Variants in WDSUB1 observed in about 807,000 individuals in gnomAD.
The protein encoded by WDSUB1 is WD repeat, SAM and U-box domain-containing protein 1.
WDSUB1 carries 49 observed loss-of-function variants against 53.9 expected under a neutral mutation model. That is an observed-to-expected ratio of 0.91 (90% CI 0.72 to 1.15). WDSUB1 has a LOEUF of 1.15. Ranked by LOEUF, WDSUB1 falls within the 50% of genes most tolerant of loss-of-function variation. WDSUB1 has a pLI of 0.00. For missense variants in WDSUB1, 514 were observed against 562.0 expected (o/e 0.91, Z 0.86); for synonymous variants, 194 against 200.6 (o/e 0.97, Z 0.28).
At chr2:159,261,865 TA>T (rs2061201749) in intron 5 of WDSUB1, among the ~76,000 whole-genome samples, 1 of 8,880 alleles carries the variant, frequency 1.1e-4, no homozygotes, top group Non-Finnish European at 2.3e-4. Flanking sequence ...TATATATATA[TA>T]TATATATATA....
intron 9 of WDSUB1, among the ~76,000 whole-genome samples, chr2:159,251,760 A>C (rs2060955526): frequency 6.6e-6 from 1 of 152,248 alleles, no homozygotes; most frequent in Non-Finnish European, 1.5e-5. Context: ...GATGGAATCT[A>C]GACACTAATA....
intron 5 of WDSUB1, among the ~76,000 whole-genome samples, chr2:159,271,293 A>G (rs1379544771): frequency 6.6e-6 from 1 of 152,204 alleles, no homozygotes; most frequent in Non-Finnish European, 1.5e-5. Flanking sequence ...ACCAGAAACA[A>G]TCATATAACC....
At position 159,283,017 on chromosome 2, in the gene WDSUB1, C is replaced by G. The variant is rs768639008; in HGVS notation, c.53G>C (p.Cys18Ser). The G allele has an allele frequency of 6.2e-7, 1 of 1,614,072 alleles. No homozygotes were observed. Among genetic ancestry groups the G allele is most frequent in the East Asian group, 2.2e-5 (1 of 44,890 alleles). ...AGCCAAGAGGGAAAAGGAGAAGGCA[C>G]AGCAGTTGACATCGTCACCATGATC... The part of the protein sequence containing the change: ...LADHGDDVNC[C>S]AFSFSLLATC... Residue 18 changes from cysteine (C) to serine (S), a missense_variant, in exon 2 of 11, where the codon TGT (cysteine) becomes TCT (serine). Physicochemically the swap from Cys to Ser is moderately radical, Grantham distance 112. Transcript: ENST00000359774.
At position 159,271,716 on chromosome 2, in the gene WDSUB1, C is replaced by T. The variant is rs377160993; in HGVS notation, c.756G>A (p.Gln252=). 7.4e-5 allele frequency: 120 copies of T among 1,613,962 alleles called. No individual in the cohort carries two copies. The highest frequency in any genetic ancestry group is 9.8e-5 in the Non-Finnish European group (116 of 1,179,946). ...AACTAGCTTACCCTGAGACTAGCATCTGCCCATCATGGGAAAAAGCACAAG... is the reference window on the plus strand; with the variant it reads ...AACTAGCTTACCCTGAGACTAGCATTTGCCCATCATGGGAAAAAGCACAAG... The part of the protein sequence containing the change: ...VLACAFSHDG[Q]MLVSGSVDKS... The change falls in exon 5 of 11, where the codon CAG becomes CAA. Residue 252 remains glutamine (Q), a synonymous_variant. Transcript: ENST00000359774.
intron 10 of WDSUB1, among the ~76,000 whole-genome samples, chr2:159,237,579 C>G (rs2060517367): frequency 6.6e-6 from 1 of 152,062 alleles, no homozygotes; most frequent in Non-Finnish European, 1.5e-5. Context: ...CTAATCTAAC[C>G]CTGTCCAATC....
intron 2 of WDSUB1, among the ~76,000 whole-genome samples, chr2:159,281,950 C>T (rs1335728904): frequency 2.6e-5 from 4 of 152,110 alleles, no homozygotes; most frequent in Non-Finnish European, 5.9e-5. Context: ...GCACTCCAGC[C>T]TGGGCAACAA....
intron 2 of WDSUB1, among the ~76,000 whole-genome samples, chr2:159,281,342 G>A (rs1400049897): frequency 6.6e-6 from 1 of 152,040 alleles, no homozygotes; most frequent in African/African-American, 2.4e-5. Flanking sequence ...GGGTTCAGGC[G>A]ATCCTCTGAC....
intron 9 of WDSUB1, 123 bp from the exon 10 acceptor site, chr2:159,248,635 C>T: frequency 8.7e-7 from 1 of 1,152,840 alleles, no homozygotes; most frequent in Non-Finnish European, 1.1e-6. Flanking sequence ...CAGGGGCTCA[C>T]TCTTTTGCCC....
At chr2:159,279,725 G>T in intron 3 of WDSUB1, 36 bp downstream of exon 3, 1 of 1,549,866 alleles carries the variant, frequency 6.5e-7, no homozygotes, top group Non-Finnish European at 8.7e-7. Flanking sequence ...ATTACAAATA[G>T]GAATTTCTAG....
intron 9 of WDSUB1, among the ~76,000 whole-genome samples, chr2:159,251,258 T>A (rs889333919): frequency 6.6e-6 from 1 of 151,514 alleles, no homozygotes. Context: ...AGAGTGAGAC[T>A]CTGTCTCAAA....
In WDSUB1 at chr2:159,248,511, T is replaced by A. The variant is rs2060873806; in HGVS notation, c.1134A>T (p.Glu378Asp). 1 of 1,500,048 alleles carries A rather than the reference T, an allele frequency of 6.7e-7. No individual in the cohort carries two copies. Among genetic ancestry groups the A allele is most frequent in the Non-Finnish European group, 8.8e-7 (1 of 1,131,728 alleles). The allele number at this position is 1,500,048 out of a possible 1,614,324, so 92.9% of individuals were successfully genotyped here. A position where few individuals can be genotyped will look rare whatever the true frequency, so the allele number is the denominator to read the frequency against. ...KESLADDLKIESLGLRSKVLR... is the reference protein window; with the variant it reads ...KESLADDLKIDSLGLRSKVLR... ...GCACTTTACTACGCAGTCCTAGAGATTCTGAAAAGAAATTACTGTTAGGGC... is the reference window on the plus strand; with the variant it reads ...GCACTTTACTACGCAGTCCTAGAGAATCTGAAAAGAAATTACTGTTAGGGC... The change falls in exon 10 of 11, where the codon GAA becomes GAT. Residue 378 changes from glutamate (E) to aspartate (D), a missense_variant and splice_region_variant. Glu to Asp is a conservative substitution (Grantham distance 45, BLOSUM62 2). Coordinates refer to ENST00000359774, the MANE Select transcript of WDSUB1 (RefSeq NM_001128212.3).
At chr2:159,286,067 T>C (rs2061789391) in intron 1 of WDSUB1, among the ~76,000 whole-genome samples, 6 of 152,116 alleles carry the variant, frequency 3.9e-5, no homozygotes, top group South Asian at 4.1e-4. Flanking sequence ...CTCTCAGGCC[T>C]ACCCAGGACC....
At chr2:159,249,886 C>G (rs112157304) in intron 9 of WDSUB1, among the ~76,000 whole-genome samples, 57,717 of 144,450 alleles carry the variant, frequency 0.4, 12,967 homozygotes, top group Non-Finnish European at 0.54. Flanking sequence ...GCCAACATGG[C>G]AAAACCCCAT....
In WDSUB1 at chr2:159,235,858, T is replaced by G; in HGVS notation, c.*175A>C. ...TTCTTTTCACTAGTACAAAAAGGCTTTTATAGTAAGTCCATGTGTTTTTTA... is the reference window on the plus strand; with the variant it reads ...TTCTTTTCACTAGTACAAAAAGGCTGTTATAGTAAGTCCATGTGTTTTTTA... On this transcript the variant is annotated 3_prime_UTR_variant, in exon 11 of 11. Transcript: ENST00000359774. 1 of 520,418 alleles carries G rather than the reference T, an allele frequency of 1.9e-6. No individual in the cohort carries two copies. Among genetic ancestry groups the G allele is most frequent in the Non-Finnish European group, 3.0e-6 (1 of 333,118 alleles). The allele number at this position is 520,418 out of a possible 1,614,324, so 32.2% of individuals were successfully genotyped here.
chr2:159,259,170 C>T (rs756945753), intron 6 of WDSUB1, among the ~76,000 whole-genome samples: 20 of 152,098 alleles, frequency 1.3e-4, no homozygotes, highest in Non-Finnish European at 1.5e-4. Flanking sequence ...ACTACAGGGA[C>T]GCGCCACCAC....
intron 10 of WDSUB1, among the ~76,000 whole-genome samples, chr2:159,236,761 G>GA (rs1450310017): frequency 6.6e-6 from 1 of 152,106 alleles, no homozygotes; most frequent in African/African-American, 2.4e-5. Flanking sequence ...AAGTAGCTGG[G>GA]ATCACAGGCA....
chr2:159,272,626 A>G (rs1054182228), intron 4 of WDSUB1, among the ~76,000 whole-genome samples: 2 of 152,230 alleles, frequency 1.3e-5, no homozygotes, highest in African/African-American at 2.4e-5. Flanking sequence ...CCACAATTTT[A>G]GTGTCTGATA....
At chr2:159,239,324 G>C (rs1044560005) in intron 10 of WDSUB1, among the ~76,000 whole-genome samples, 2 of 139,448 alleles carry the variant, frequency 1.4e-5, no homozygotes, top group African/African-American at 6.2e-5. Context: ...GGTCTCATTT[G>C]TTCTAGTTTT....
chr2:159,256,573 T>C lies in WDSUB1; in HGVS notation c.953-198A>G, dbSNP rs192845496. On this transcript the variant is annotated intron_variant, in intron 8 of 10. Coordinates refer to ENST00000359774, the MANE Select transcript of WDSUB1 (RefSeq NM_001128212.3). Reference sequence around the variant, plus strand: ...TGAAGTCAGGAGTTCAAGACCGGCCTAAGTAACATAGGGAGACCAGTCTCA... The same window carrying C: ...TGAAGTCAGGAGTTCAAGACCGGCCCAAGTAACATAGGGAGACCAGTCTCA... 4.7e-3 allele frequency among the ~76,000 whole-genome samples: 690 copies of C among 147,940 alleles called. 13 individuals carry two copies. The highest frequency in any genetic ancestry group is 2.6e-3 in the Non-Finnish European group (172 of 67,114).
Sources: allele counts gnomAD v4.1 joint callset (sites outside exome capture counted in the v4.1 genomes callset), GRCh38; gene constraint gnomAD v4.1.1; transcripts MANE v1.5; gene names NCBI Gene and HGNC (gene_info 2026-07-23, HGNC 2026-07-21).